CFAP20DC: variants seen among roughly 807,000 people sequenced by gnomAD.
CFAP20DC encodes the protein protein CFAP20DC.
Under a neutral mutation model 101.7 loss-of-function variants are expected in CFAP20DC, and 84 were observed. The observed-to-expected ratio is 0.83, with a 90% CI of 0.69 to 0.99. The LOEUF (loss-of-function observed/expected upper bound fraction) is 0.99, where lower values mean the gene tolerates loss of function less well. Ranked by LOEUF, CFAP20DC falls within the 50% of genes least tolerant of loss-of-function variation. The probability of loss-of-function intolerance (pLI) is 0.00; values close to 1 mark genes in which losing one functional copy is unlikely to be tolerated. For missense variants in CFAP20DC, 1,007 were observed against 970.3 expected (o/e 1.04, Z -0.50); for synonymous variants, 359 against 351.2 (o/e 1.02, Z -0.25).
At chr3:58,851,497 T>C (rs1442797526) in intron 12 of CFAP20DC, among the ~76,000 whole-genome samples, 1 of 152,182 alleles carries the variant, frequency 6.6e-6, no homozygotes, top group Non-Finnish European at 1.5e-5. Flanking sequence ...AATTTTTTCT[T>C]TTTGTGAAAT....
At chr3:58,884,513 T>C in intron 7 of CFAP20DC, 32 bp downstream of exon 7, 3 of 1,601,636 alleles carry the variant, frequency 1.9e-6, no homozygotes, top group Non-Finnish European at 2.6e-6. Flanking sequence ...GCAGACATAT[T>C]ACACTTATAA....
intron 4 of CFAP20DC, among the ~76,000 whole-genome samples, chr3:59,011,694 G>A (rs1476947549): frequency 6.6e-6 from 1 of 152,206 alleles, no homozygotes; most frequent in Non-Finnish European, 1.5e-5. Context: ...GACCATTAAT[G>A]AGATTAACCA....
intron 5 of CFAP20DC, among the ~76,000 whole-genome samples, chr3:58,921,015 T>A (rs1330316938): frequency 2.6e-5 from 4 of 152,212 alleles, no homozygotes; most frequent in Non-Finnish European, 4.4e-5. Context: ...TAGCAATTTG[T>A]GTCTTTAAAA....
At chr3:58,985,559 CCACT>C (rs1205897903) in intron 4 of CFAP20DC, among the ~76,000 whole-genome samples, 1 of 152,128 alleles carries the variant, frequency 6.6e-6, no homozygotes, top group African/African-American at 2.4e-5. Context: ...CATCACTTCT[CCACT>C]CACTCCTTAT....
At chr3:58,992,010 G>C (rs1487023208) in intron 4 of CFAP20DC, among the ~76,000 whole-genome samples, 1 of 152,174 alleles carries the variant, frequency 6.6e-6, no homozygotes, top group East Asian at 1.9e-4. Context: ...TTGTTATTAA[G>C]TTCTACAGTA....
At chr3:58,845,706 A>G (rs1235565191) in intron 13 of CFAP20DC, among the ~76,000 whole-genome samples, 58 of 151,610 alleles carry the variant, frequency 3.8e-4, no homozygotes, top group Non-Finnish European at 6.3e-4. Flanking sequence ...CAGAGACACA[A>G]CCAAAAAAGA....
chr3:58,806,711 T>C (rs1046810275), intron 14 of CFAP20DC, among the ~76,000 whole-genome samples: 103 of 152,196 alleles, frequency 6.8e-4, no homozygotes, highest in African/African-American at 2.3e-3. Flanking sequence ...TGCCAGATAG[T>C]GGGTGCAGGA....
At chr3:58,969,257 C>A (rs2091795162) in intron 4 of CFAP20DC, among the ~76,000 whole-genome samples, 1 of 152,064 alleles carries the variant, frequency 6.6e-6, no homozygotes, top group African/African-American at 2.4e-5. Context: ...CATTATTAAT[C>A]AACAGTGAAA....
Position 58,847,447 on chromosome 3 carries a change from C to G in CFAP20DC, c.1971+1585G>C, listed in dbSNP as rs1241981989. ...ACCATCACTGGCCATCAGAGAAATG[C>G]AAATCAAAACCACAATGAGATACCA... On this transcript the variant is annotated intron_variant, in intron 13 of 16. Transcript: ENST00000482387. Among the ~76,000 whole-genome samples the G allele has an allele frequency of 7.3e-5, 11 of 150,254 alleles. 1 individual carries two copies. In the South Asian group the frequency reaches 2.1e-3, roughly 29 times the overall value.
At chr3:58,901,464 C>A (rs2083138281) in intron 6 of CFAP20DC, among the ~76,000 whole-genome samples, 1 of 152,058 alleles carries the variant, frequency 6.6e-6, no homozygotes, top group Non-Finnish European at 1.5e-5. Context: ...AAATCATGGA[C>A]ACAAAAATAA....
At position 58,717,591 on chromosome 3, in the gene CFAP20DC, C is replaced by T; in HGVS notation, c.237G>A (p.Leu79=). The change falls in exon 4 of 4, where the codon CTG becomes CTA. Residue 79 remains leucine (L), a synonymous_variant. Transcript: ENST00000486145. The surrounding 1 kb of genome is among the most constrained non-coding windows in gnomAD (Gnocchi z 4.1). ...CTTTAGAGTGTGAGTTTTGCCTTCA[C>T]AGTTGCAAAATGGCTGTAGCACTTC... 2 of 453,030 alleles carry T rather than the reference C, an allele frequency of 4.4e-6. No homozygotes were observed. Among genetic ancestry groups the T allele is most frequent in the Non-Finnish European group, 8.8e-6 (2 of 226,040 alleles). The allele number at this position is 453,030 out of a possible 1,614,324, so 28.1% of individuals were successfully genotyped here. A position where few individuals can be genotyped will look rare whatever the true frequency, so the allele number is the denominator to read the frequency against.
At chr3:59,048,136 G>T (rs1018965025) in intron 1 of CFAP20DC, among the ~76,000 whole-genome samples, 1 of 152,130 alleles carries the variant, frequency 6.6e-6, no homozygotes, top group Non-Finnish European at 1.5e-5. Context: ...ATTTAAGAAA[G>T]GGGAATTAAA....
chr3:58,933,763 G>A (rs4681907), intron 5 of CFAP20DC, among the ~76,000 whole-genome samples: 147,803 of 151,438 alleles, frequency 0.98, 72,206 homozygotes, highest in East Asian at 1. Context: ...TCTGGGACAC[G>A]TTCAAAGCAG....
intron 6 of CFAP20DC, among the ~76,000 whole-genome samples, chr3:58,901,546 G>A (rs2083148103): frequency 6.6e-6 from 1 of 152,212 alleles, no homozygotes; most frequent in South Asian, 2.1e-4. Flanking sequence ...GAGGGGATAA[G>A]AATAGTGCCT....
chr3:58,955,655 C>T (rs986037608), intron 4 of CFAP20DC, among the ~76,000 whole-genome samples: 1 of 152,060 alleles, frequency 6.6e-6, no homozygotes, highest in African/African-American at 2.4e-5. Flanking sequence ...TCTGCAACTC[C>T]TAGGCAAGTC....
At position 58,835,706 on chromosome 3, in the gene CFAP20DC, G is replaced by A. The variant is rs147030333; in HGVS notation, c.1972-3817C>T. Among the ~76,000 whole-genome samples, 4 of 152,326 alleles carry A rather than the reference G, an allele frequency of 2.6e-5. No individual in the cohort carries two copies. The East Asian group carries it at 5.8e-4, about 22-fold the overall frequency. ...CATCACTAATAGAGCAACTGGTGAT[G>A]GAGTCAGGTAATTAACTTAGTCCTG... On this transcript the variant is annotated intron_variant, in intron 13 of 16. Coordinates refer to ENST00000482387, the MANE Select transcript of CFAP20DC (RefSeq NM_001394063.1).
intron 5 of CFAP20DC, among the ~76,000 whole-genome samples, chr3:58,927,770 A>G (rs7619369): frequency 0.014 from 2,141 of 152,298 alleles, 51 homozygotes; most frequent in African/African-American, 0.049. Context: ...CAGGAAGGCC[A>G]CTAGAGATGG....
chr3:58,849,038 T>G lies in CFAP20DC; in HGVS notation c.1965A>C (p.Glu655Asp). The change falls in exon 13 of 17, where the codon GAA becomes GAC. Residue 655 changes from glutamate to aspartate, a missense_variant. Glu to Asp is a conservative substitution (Grantham distance 45). Transcript: ENST00000482387. ...ISGERLSSIP[E>D]ASEYDWRNYQ... ...CCACACGGGAACCACTTACAGATGC[T>G]TCGGGGATCGAGCTCAGCCTTTCCC... The G allele has an allele frequency of 6.5e-7, 1 of 1,535,472 alleles. No homozygotes were observed.
intron 4 of CFAP20DC, among the ~76,000 whole-genome samples, chr3:59,038,111 C>T (rs1298949688): frequency 6.6e-6 from 1 of 152,068 alleles, no homozygotes; most frequent in Non-Finnish European, 1.5e-5. Context: ...GAACATCACA[C>T]ACCAGGGCCT....
Sources: allele counts gnomAD v4.1 joint callset (sites outside exome capture counted in the v4.1 genomes callset), GRCh38; gene constraint gnomAD v4.1.1; non-coding constraint Gnocchi (gnomAD v3.1); transcripts MANE v1.5; gene names NCBI Gene and HGNC (gene_info 2026-07-23, HGNC 2026-07-21).